The following RANBP2 variants were observed in gnomAD, a reference collection of about 807,000 sequenced individuals.
RANBP2 encodes RAN binding protein 2.
A neutral mutation model predicts 303.6 loss-of-function variants in RANBP2; 57 were observed. That is an observed-to-expected ratio of 0.19 (90% CI 0.15 to 0.23). The LOEUF (loss-of-function observed/expected upper bound fraction) is 0.23. RANBP2 is among the 10% of genes least tolerant of loss of function. The pLI, the probability that RANBP2 is intolerant of heterozygous loss-of-function variation, is 1.00. For missense variants in RANBP2, 3,138 were observed against 3,780.8 expected (o/e 0.83, Z 4.46); for synonymous variants, 1,167 against 1,301.5 (o/e 0.90, Z 2.23).
At chr2:109,166,270 A>G in the RANBP2 span, among the ~76,000 whole-genome samples, 1 of 151,964 alleles carries the variant, frequency 6.6e-6, no homozygotes, top group Admixed American at 6.6e-5. Context: ...CGAGGTCAGG[A>G]GATCGAGACC....
chr2:109,228,791 C>T, the RANBP2 span, among the ~76,000 whole-genome samples: 2 of 152,292 alleles, frequency 1.3e-5, no homozygotes, highest in East Asian at 1.9e-4. Context: ...GTACCCTCTC[C>T]AGGTGGGTGG....
At chr2:109,175,499 A>G in the RANBP2 span, among the ~76,000 whole-genome samples, 3 of 152,234 alleles carry the variant, frequency 2.0e-5, no homozygotes, top group Non-Finnish European at 4.4e-5. Context: ...TTACTCAACA[A>G]GTATTAACTG....
At chr2:109,537,344 A>C in the RANBP2 span, among the ~76,000 whole-genome samples, 1 of 152,234 alleles carries the variant, frequency 6.6e-6, no homozygotes, top group South Asian at 2.1e-4. Context: ...AGTATGAATT[A>C]CATTAATTTC....
At chr2:109,571,008 TG>T in the RANBP2 span, among the ~76,000 whole-genome samples, 1 of 152,198 alleles carries the variant, frequency 6.6e-6, no homozygotes, top group Admixed American at 6.5e-5. Flanking sequence ...GACTGGATCA[TG>T]GGGACAGAGT....
chr2:108,723,459 T>A (rs1025952482), intron 1 of RANBP2, among the ~76,000 whole-genome samples: 2 of 152,018 alleles, frequency 1.3e-5, no homozygotes, highest in Non-Finnish European at 2.9e-5. Context: ...GTATTTTTAG[T>A]AGAGACGGGG....
the RANBP2 span, among the ~76,000 whole-genome samples, chr2:109,562,806 G>A: frequency 6.6e-6 from 1 of 152,180 alleles, no homozygotes; most frequent in East Asian, 1.9e-4. Flanking sequence ...AATCTTTAGT[G>A]AAGACAATAT....
At chr2:109,674,410 CAAAAA>C in the RANBP2 span, among the ~76,000 whole-genome samples, 350 of 75,272 alleles carry the variant, frequency 4.6e-3, 1 homozygote, top group African/African-American at 0.018. Flanking sequence ...CTTGTGTCTC[CAAAAA>C]AAAAAAAAAA....
the RANBP2 span, among the ~76,000 whole-genome samples, chr2:109,233,908 T>C: frequency 1.3e-5 from 2 of 152,272 alleles, no homozygotes; most frequent in African/African-American, 4.8e-5. Context: ...TGCTGCATAA[T>C]ATTCCATCAT....
At chr2:109,676,957 AT>A in the RANBP2 span, among the ~76,000 whole-genome samples, 2 of 151,278 alleles carry the variant, frequency 1.3e-5, no homozygotes, top group African/African-American at 2.4e-5. Flanking sequence ...AAAAAAATGT[AT>A]TTTTTTTTCC....
the RANBP2 span, among the ~76,000 whole-genome samples, chr2:109,421,759 G>A: frequency 6.6e-6 from 1 of 152,198 alleles, no homozygotes; most frequent in Admixed American, 6.5e-5. Context: ...AAGGATTTAG[G>A]TAGGAATGTG....
the RANBP2 span, among the ~76,000 whole-genome samples, chr2:108,867,173 G>A: frequency 1.7e-4 from 26 of 152,058 alleles, no homozygotes; most frequent in Non-Finnish European, 4.4e-5. Context: ...GAAATTAAGT[G>A]ACTTATTTAA....
At position 108,748,272 on chromosome 2, in the gene RANBP2, A is replaced by T. The variant is rs566346280; in HGVS notation, c.1064-648A>T. On this transcript the variant is annotated intron_variant, in intron 8 of 28. Transcript: ENST00000283195. ...GCCCGGGCTGGAGTGCAGTGGCGTG[A>T]TCTCGGCTCACTGCAAGCTCCACCT... Among the ~76,000 whole-genome samples the T allele has an allele frequency of 4.2e-4, 63 of 148,664 alleles. No homozygotes were observed. The South Asian group carries it at 0.013, about 30-fold the overall frequency.
the RANBP2 span, among the ~76,000 whole-genome samples, chr2:109,326,128 T>C: frequency 6.6e-6 from 1 of 152,228 alleles, no homozygotes; most frequent in African/African-American, 2.4e-5. Flanking sequence ...TATGTGGGTC[T>C]ACATTGTTTA....
chr2:108,782,679 C>CA lies in RANBP2; in HGVS notation c.9188dup (p.Asn3063LysfsTer7). ...TGGCAGCAGAATTATCAAAGGAGAC[C>CA]AATCCTGTGGTGTTTTTTGATGTTT... On this transcript the variant is annotated frameshift_variant, in exon 28 of 29. Coordinates refer to ENST00000283195, the MANE Select transcript of RANBP2 (RefSeq NM_006267.5). LOFTEE classifies it high-confidence loss of function. 1 of 1,614,140 alleles carries CA rather than the reference C, an allele frequency of 6.2e-7. No homozygotes were observed. Among genetic ancestry groups the CA allele is most frequent in the Non-Finnish European group, 8.5e-7 (1 of 1,180,022 alleles).
the RANBP2 span, among the ~76,000 whole-genome samples, chr2:108,962,700 A>AG: frequency 6.5e-3 from 842 of 128,858 alleles, 76 homozygotes; most frequent in African/African-American, 0.023. Flanking sequence ...AAAAAAAAAA[A>AG]AGAGAGAAAG....
the RANBP2 span, among the ~76,000 whole-genome samples, chr2:109,091,862 G>C: frequency 6.6e-6 from 1 of 152,158 alleles, no homozygotes; most frequent in South Asian, 2.1e-4. Flanking sequence ...ATGGTGGGGT[G>C]TCTGTAGCCC....
At chr2:109,135,641 T>C in the RANBP2 span, among the ~76,000 whole-genome samples, 1 of 152,042 alleles carries the variant, frequency 6.6e-6, no homozygotes, top group Non-Finnish European at 1.5e-5. Flanking sequence ...GGTGTGTGCG[T>C]GTACGTGTGT....
chr2:108,735,014 T>A (rs368960368), intron 4 of RANBP2, among the ~76,000 whole-genome samples: 7 of 152,212 alleles, frequency 4.6e-5, no homozygotes, highest in African/African-American at 1.4e-4. Context: ...TTCCTCTCCT[T>A]GTATGTAAGT....
chr2:108,734,857 C>T (rs1264286976), intron 4 of RANBP2, among the ~76,000 whole-genome samples: 1 of 151,714 alleles, frequency 6.6e-6, no homozygotes, highest in African/African-American at 2.4e-5. Context: ...ACTGAGTAGT[C>T]AGCCTGGGCA....
Sources: allele counts gnomAD v4.1 joint callset (sites outside exome capture counted in the v4.1 genomes callset), GRCh38; gene constraint gnomAD v4.1.1; transcripts MANE v1.5; gene names NCBI Gene and HGNC (gene_info 2026-07-23, HGNC 2026-07-21).